Variants in ZMYM4 observed in about 807,000 individuals in gnomAD.
The protein encoded by ZMYM4 is zinc finger MYM-type containing 4, also known as zinc finger MYM-type protein 4.
A neutral mutation model predicts 183.2 loss-of-function variants in ZMYM4; 31 were observed. The ratio of observed to expected loss-of-function variants is 0.17; its 90% CI spans 0.13 to 0.23. The LOEUF (loss-of-function observed/expected upper bound fraction) is 0.23. Ranked by LOEUF, ZMYM4 falls within the 10% of genes least tolerant of loss-of-function variation. The probability of loss-of-function intolerance (pLI) is 1.00; values close to 1 mark genes in which losing one functional copy is unlikely to be tolerated. For synonymous variants in ZMYM4, 592 were observed against 631.2 expected, an observed-to-expected ratio of 0.94 and a Z score of 0.93; for missense variants, 1,273 against 1,840.3, an observed-to-expected ratio of 0.69 and a Z score of 5.64.
intron 3 of ZMYM4, among the ~76,000 whole-genome samples, chr1:35,360,516 A>T (rs2148907691): frequency 6.6e-6 from 1 of 152,228 alleles, no homozygotes; most frequent in South Asian, 2.1e-4. Flanking sequence ...GTGCAAGGAT[A>T]TACTATATTT....
intron 1 of ZMYM4, among the ~76,000 whole-genome samples, chr1:35,293,934 G>C (rs1640884713): frequency 6.6e-6 from 1 of 152,056 alleles, no homozygotes; most frequent in African/African-American, 2.4e-5. Context: ...AGGAGATCGA[G>C]ACCATCCTGG....
rs149706717 is a variant in ZMYM4 at position 35,404,282 on chromosome 1, T to C, written c.3529-741T>C. 8.5e-5 allele frequency among the ~76,000 whole-genome samples: 13 copies of C among 152,206 alleles called. 2 individuals carry two copies. Among genetic ancestry groups the C allele is most frequent in the African/African-American group, 2.6e-4 (11 of 41,536 alleles). On this transcript the variant is annotated intron_variant, in intron 23 of 29. Transcript: ENST00000314607. ...GTCTTGCCATGTTGCCCAGGCTTATTTCGAACTCCTGGGCTCAGTCTGCCC... is the reference window on the plus strand; with the variant it reads ...GTCTTGCCATGTTGCCCAGGCTTATCTCGAACTCCTGGGCTCAGTCTGCCC...
intron 23 of ZMYM4, among the ~76,000 whole-genome samples, chr1:35,402,300 G>T (rs1644923478): frequency 6.6e-6 from 1 of 152,090 alleles, no homozygotes; most frequent in African/African-American, 2.4e-5. Context: ...TTTTGATGCT[G>T]TTGTAAATTG....
At chr1:35,380,560 T>C (rs1024655897) in intron 7 of ZMYM4, among the ~76,000 whole-genome samples, 4 of 152,240 alleles carry the variant, frequency 2.6e-5, no homozygotes, top group African/African-American at 9.6e-5. Flanking sequence ...TCTCCTGACC[T>C]TGTGATCCGC....
chr1:35,377,993 T>C (rs1053378186), intron 7 of ZMYM4, among the ~76,000 whole-genome samples: 1 of 152,252 alleles, frequency 6.6e-6, no homozygotes, highest in Non-Finnish European at 1.5e-5. Context: ...TGTAATACTT[T>C]AAATCCTTTG....
chr1:35,410,617 T>C (rs945377745), intron 26 of ZMYM4, among the ~76,000 whole-genome samples: 1 of 151,166 alleles, frequency 6.6e-6, no homozygotes, highest in South Asian at 2.1e-4. Flanking sequence ...GCCTCCCGAG[T>C]AGCTGGGACT....
chr1:35,349,144 C>T (rs1237282378), intron 2 of ZMYM4, among the ~76,000 whole-genome samples: 1 of 152,014 alleles, frequency 6.6e-6, no homozygotes, highest in Non-Finnish European at 1.5e-5. Context: ...TACAGGCATG[C>T]ACCTGGCAAA....
At chr1:35,407,976 T>C in intron 25 of ZMYM4, 32 bp from the exon 26 acceptor site, 1 of 1,613,432 alleles carries the variant, frequency 6.2e-7, no homozygotes, top group East Asian at 2.2e-5. Context: ...TGTTAAAAGT[T>C]AATGTTTCAG....
rs16837325 is a variant in ZMYM4 at position 35,398,362 on chromosome 1, A to G, written c.3200-51A>G. ...ATAGTGCAGTCATTTCATTTGAGATATAATTTGTTGTCTAAACATAAATTA... is the reference window on the plus strand; with the variant it reads ...ATAGTGCAGTCATTTCATTTGAGATGTAATTTGTTGTCTAAACATAAATTA... On this transcript the variant is annotated intron_variant, in intron 20 of 29. Coordinates refer to ENST00000314607, the MANE Select transcript of ZMYM4 (RefSeq NM_005095.3). 0.016 allele frequency: 24,719 copies of G among 1,509,930 alleles called. 1,602 individuals are homozygous for G. In the East Asian group the frequency reaches 0.23, roughly 14 times the overall value. The allele number at this position is 1,509,930 out of a possible 1,614,324, so 93.5% of individuals were successfully genotyped here.
Position 35,314,445 on chromosome 1 carries a change from C to T in ZMYM4, c.40-10915C>T, listed in dbSNP as rs1032276953. On this transcript the variant is annotated intron_variant, in intron 1 of 29. Coordinates refer to ENST00000314607, the MANE Select transcript of ZMYM4 (RefSeq NM_005095.3). ...GGTTACAGGCACCTGCCACCACACC[C>T]GGCTAATTTTTGTATTTTTAGTAGA... Among the ~76,000 whole-genome samples the T allele has an allele frequency of 2.4e-4, 37 of 151,620 alleles. 1 individual carries two copies. Among genetic ancestry groups the T allele is most frequent in the East Asian group, 4.0e-4 (2 of 5,062 alleles).
chr1:35,334,407 CTCT>C (rs1288474179), intron 2 of ZMYM4, among the ~76,000 whole-genome samples: 1 of 152,182 alleles, frequency 6.6e-6, no homozygotes, highest in Non-Finnish European at 1.5e-5. Flanking sequence ...TATATTATAG[CTCT>C]TCTTAATATT....
At chr1:35,313,442 G>A (rs1161169446) in intron 1 of ZMYM4, among the ~76,000 whole-genome samples, 1 of 140,410 alleles carries the variant, frequency 7.1e-6, no homozygotes. Flanking sequence ...AAGCTGCAGT[G>A]TAGTAGCACG....
At chr1:35,396,022 A>T (rs915307674) in intron 18 of ZMYM4, among the ~76,000 whole-genome samples, 2 of 151,436 alleles carry the variant, frequency 1.3e-5, no homozygotes, top group Admixed American at 1.3e-4. Context: ...CATAACCTAG[A>T]GTAGTCTCCC....
intron 7 of ZMYM4, among the ~76,000 whole-genome samples, chr1:35,378,267 AATG>A (rs1452259169): frequency 3.3e-5 from 5 of 152,276 alleles, no homozygotes; most frequent in Middle Eastern, 3.4e-3. Flanking sequence ...AGCTCCTATT[AATG>A]ATGATATTTG....
intron 2 of ZMYM4, among the ~76,000 whole-genome samples, chr1:35,354,646 G>A (rs992986078): frequency 6.9e-6 from 1 of 145,926 alleles, no homozygotes; most frequent in African/African-American, 2.5e-5. Flanking sequence ...AGAATCGCTT[G>A]AACCTGGGAG....
chr1:35,364,299 C>CTTGTAG (rs1644016029), intron 5 of ZMYM4, among the ~76,000 whole-genome samples: 1 of 152,102 alleles, frequency 6.6e-6, no homozygotes, highest in African/African-American at 2.4e-5. Flanking sequence ...CAATAAGGGA[C>CTTGTAG]TTGTAGTATG....
intron 1 of ZMYM4, 114 bp downstream of exon 1, chr1:35,269,199 T>TG: frequency 8.6e-7 from 1 of 1,166,468 alleles, no homozygotes; most frequent in Non-Finnish European, 1.1e-6. Flanking sequence ...AGGACAAGGT[T>TG]GCGGGCAGGT....
chr1:35,297,475 T>TCA (rs1491423100), intron 1 of ZMYM4, among the ~76,000 whole-genome samples: 2 of 140,620 alleles, frequency 1.4e-5, no homozygotes, highest in East Asian at 5.4e-4. Flanking sequence ...TGGGTGCTTG[T>TCA]CACAAAAAAA....
rs1388012476 is a variant in ZMYM4 at position 35,394,027 on chromosome 1, A to G, written c.2911+288A>G. 3.3e-5 allele frequency among the ~76,000 whole-genome samples: 5 copies of G among 152,146 alleles called. No homozygotes were observed. The East Asian group carries it at 9.6e-4, about 29-fold the overall frequency. On this transcript the variant is annotated intron_variant, in intron 18 of 29. Coordinates refer to ENST00000314607, the MANE Select transcript of ZMYM4 (RefSeq NM_005095.3). The stretch of plus-strand genomic sequence containing the variant: ...TTATAGAATAAGCATAAGGTTTGGA[A>G]TTACATGGACAGGCTTCTAAGGAGG...
Sources: allele counts gnomAD v4.1 joint callset (sites outside exome capture counted in the v4.1 genomes callset), GRCh38; gene constraint gnomAD v4.1.1; transcripts MANE v1.5; gene names NCBI Gene and HGNC (gene_info 2026-07-23, HGNC 2026-07-21).